HMCN1: variants seen among roughly 807,000 people sequenced by gnomAD.
HMCN1 encodes the protein hemicentin 1, also known as hemicentin-1.
Under a neutral mutation model 625.9 loss-of-function variants are expected in HMCN1, and 321 were observed. That is an observed-to-expected ratio of 0.51 (90% CI 0.47 to 0.56). The LOEUF is 0.56. Among genes scored for constraint, HMCN1 ranks in the 20% least tolerant of loss-of-function variants. The probability of loss-of-function intolerance (pLI) is 0.00; values close to 1 mark genes in which losing one functional copy is unlikely to be tolerated. For missense variants in HMCN1, 6,588 were observed against 6,887.3 expected (o/e 0.96, Z 1.54); for synonymous variants, 2,425 against 2,417.6 (o/e 1.00, Z -0.09).
At chr1:185,871,352 G>T (rs531383786) in intron 4 of HMCN1, among the ~76,000 whole-genome samples, 1 of 152,122 alleles carries the variant, frequency 6.6e-6, no homozygotes, top group South Asian at 2.1e-4. Flanking sequence ...TGGTAGTTAA[G>T]ACTAACGCTC....
intron 42 of HMCN1, 67 bp from the exon 43 acceptor site, chr1:186,052,885 A>T: frequency 7.6e-7 from 1 of 1,324,398 alleles, no homozygotes; most frequent in Non-Finnish European, 1.1e-6. Context: ...CTTTTATCTT[A>T]CATGTAAACT....
At chr1:185,859,128 TTGTGTGTGTG>T (rs59835697) in intron 2 of HMCN1, among the ~76,000 whole-genome samples, 298 of 138,390 alleles carry the variant, frequency 2.2e-3, no homozygotes, top group Non-Finnish European at 2.3e-3. Context: ...TTTATAAACT[TTGTGTGTGTG>T]TGTGTGTGTG....
At position 185,982,398 on chromosome 1, in the gene HMCN1, A is replaced by G. The variant is rs1435643380; in HGVS notation, c.2790+9A>G. The G allele has an allele frequency of 6.2e-7, 1 of 1,609,680 alleles. No homozygotes were observed. Among genetic ancestry groups the G allele is most frequent in the Non-Finnish European group, 8.5e-7 (1 of 1,177,042 alleles). ...TTAAGAATTCAGCTATGGTAAGAAC[A>G]TTTTAAATGCATGCATTCACATTCT... On this transcript the variant is annotated intron_variant, in intron 18 of 106. Transcript: ENST00000271588.
intron 69 of HMCN1, among the ~76,000 whole-genome samples, chr1:186,106,261 A>G (rs994721578): frequency 6.6e-6 from 1 of 152,192 alleles, no homozygotes; most frequent in Admixed American, 6.5e-5. Flanking sequence ...CACAATCTCA[A>G]ACATATGAAT....
intron 104 of HMCN1, among the ~76,000 whole-genome samples, chr1:186,179,143 A>T (rs1470292372): frequency 6.6e-6 from 1 of 152,174 alleles, no homozygotes; most frequent in Non-Finnish European, 1.5e-5. Flanking sequence ...CATCGGATTG[A>T]TGGAAAAGCA....
chr1:186,018,790 A>G (rs1376795991), intron 34 of HMCN1, among the ~76,000 whole-genome samples: 1 of 152,020 alleles, frequency 6.6e-6, no homozygotes, highest in Non-Finnish European at 1.5e-5. Flanking sequence ...GTGGCTAAAG[A>G]TGTAATTGAA....
At chr1:186,152,372 C>T (rs1457261944) in intron 95 of HMCN1, among the ~76,000 whole-genome samples, 1 of 152,134 alleles carries the variant, frequency 6.6e-6, no homozygotes, top group African/African-American at 2.4e-5. Context: ...CATGGGCATC[C>T]ACTTACTCAG....
chr1:185,813,163 T>C (rs954599258), intron 1 of HMCN1, among the ~76,000 whole-genome samples: 1 of 152,168 alleles, frequency 6.6e-6, no homozygotes, highest in East Asian at 1.9e-4. Context: ...ATTAATATTG[T>C]ACATCAATGA....
intron 89 of HMCN1, among the ~76,000 whole-genome samples, chr1:186,143,302 T>C (rs774805789): frequency 6.6e-6 from 1 of 152,242 alleles, no homozygotes; most frequent in Non-Finnish European, 1.5e-5. Flanking sequence ...TTATTTCTGC[T>C]CATATTTTGA....
chr1:185,910,418 A>C (rs565509696), intron 5 of HMCN1, among the ~76,000 whole-genome samples: 11 of 152,218 alleles, frequency 7.2e-5, no homozygotes, highest in Admixed American at 2.0e-4. Flanking sequence ...CCATGTTACC[A>C]AGGAAAGACT....
chr1:185,811,966 G>A (rs929155071), intron 1 of HMCN1, among the ~76,000 whole-genome samples: 3 of 152,146 alleles, frequency 2.0e-5, no homozygotes, highest in African/African-American at 7.2e-5. Flanking sequence ...ATAGAAAACT[G>A]GAGACAGACA....
chr1:186,002,578 A>G (rs1884663), intron 28 of HMCN1, among the ~76,000 whole-genome samples: 3,772 of 152,210 alleles, frequency 0.025, 150 homozygotes, highest in African/African-American at 0.086. Flanking sequence ...CATTGTTATC[A>G]TGAGTCTTGC....
intron 2 of HMCN1, among the ~76,000 whole-genome samples, chr1:185,857,819 G>A (rs1662566769): frequency 6.6e-6 from 1 of 151,896 alleles, no homozygotes; most frequent in African/African-American, 2.4e-5. Flanking sequence ...CACCTACTAA[G>A]TACTTCAAAA....
chr1:185,741,643 A>G (rs1202357091), intron 1 of HMCN1, among the ~76,000 whole-genome samples: 1 of 152,238 alleles, frequency 6.6e-6, no homozygotes, highest in Non-Finnish European at 1.5e-5. Flanking sequence ...AATTGAACTC[A>G]GGATAGGAGG....
intron 43 of HMCN1, 98 bp downstream of exon 43, chr1:186,053,172 G>A: frequency 8.3e-7 from 1 of 1,206,964 alleles, no homozygotes; most frequent in Admixed American, 1.8e-5. Context: ...AAATTTTCCT[G>A]GGGTTTGCAT....
intron 50 of HMCN1, among the ~76,000 whole-genome samples, chr1:186,069,134 A>G (rs1448288274): frequency 6.6e-6 from 1 of 152,140 alleles, no homozygotes; most frequent in East Asian, 1.9e-4. Flanking sequence ...TATTGTGTGT[A>G]TGTATGTTGG....
intron 100 of HMCN1, 106 bp from the exon 101 acceptor site, chr1:186,171,228 AGAG>A: frequency 1.2e-6 from 1 of 809,742 alleles, no homozygotes; most frequent in Admixed American, 1.9e-5. Flanking sequence ...GATAGGTTTT[AGAG>A]AAGATCTTAA....
intron 52 of HMCN1, among the ~76,000 whole-genome samples, chr1:186,074,398 T>C (rs1381508975): frequency 6.6e-6 from 1 of 151,840 alleles, no homozygotes; most frequent in Non-Finnish European, 1.5e-5. Flanking sequence ...GCTTTTTAAA[T>C]ATTATATGAG....
intron 86 of HMCN1, among the ~76,000 whole-genome samples, chr1:186,133,975 GC>G (rs900054960): frequency 2.0e-5 from 3 of 152,006 alleles, no homozygotes; most frequent in African/African-American, 7.2e-5. Flanking sequence ...AATATAATAT[GC>G]CACATTTTCC....
Sources: allele counts gnomAD v4.1 joint callset (sites outside exome capture counted in the v4.1 genomes callset), GRCh38; gene constraint gnomAD v4.1.1; transcripts MANE v1.5; gene names NCBI Gene and HGNC (gene_info 2026-07-23, HGNC 2026-07-21).